Variants in C13orf42 observed in about 807,000 individuals in gnomAD.
The protein encoded by C13orf42 is chromosome 13 open reading frame 42.
At chr13:51,088,408 T>C (rs1014025179) in intron 1 of C13orf42, among the ~76,000 whole-genome samples, 1 of 152,200 alleles carries the variant, frequency 6.6e-6, no homozygotes, top group Non-Finnish European at 1.5e-5. Flanking sequence ...AATTAGGAGA[T>C]TGTACAGTTC....
intron 1 of C13orf42, among the ~76,000 whole-genome samples, chr13:51,140,024 C>T (rs2138029171): frequency 6.6e-6 from 1 of 152,266 alleles, no homozygotes; most frequent in East Asian, 1.9e-4. Context: ...CCCCCAAAAT[C>T]ACGAAGGAAA....
chr13:51,148,554 G>T, intron 1 of C13orf42, among the ~76,000 whole-genome samples: 1 of 152,212 alleles, frequency 6.6e-6, no homozygotes, highest in East Asian at 1.9e-4. Flanking sequence ...GCTCACGAAG[G>T]AAGAGCACAG....
chr13:51,102,407 A>G (rs530693788), intron 1 of C13orf42, among the ~76,000 whole-genome samples: 2 of 152,348 alleles, frequency 1.3e-5, no homozygotes, highest in East Asian at 3.9e-4. Flanking sequence ...GGCTGTTGAT[A>G]TGGTCTCATT....
At chr13:51,124,052 T>C (rs556293527) in intron 1 of C13orf42, among the ~76,000 whole-genome samples, 1 of 152,310 alleles carries the variant, frequency 6.6e-6, no homozygotes, top group East Asian at 1.9e-4. Context: ...GTAACATCAC[T>C]ATTGTGAACC....
chr13:51,114,881 G>A (rs563765080), upstream of C13orf42, among the ~76,000 whole-genome samples: 2 of 152,318 alleles, frequency 1.3e-5, no homozygotes, highest in South Asian at 2.1e-4. Flanking sequence ...ATAGGTTTTA[G>A]GTGTTCTTGT....
At chr13:51,101,329 A>G (rs1377947847) in intron 1 of C13orf42, among the ~76,000 whole-genome samples, 1 of 152,112 alleles carries the variant, frequency 6.6e-6, no homozygotes, top group African/African-American at 2.4e-5. Flanking sequence ...AGATATTTTT[A>G]TTTTCTTCCC....
chr13:51,104,167 G>A (rs1953323815), intron 1 of C13orf42, among the ~76,000 whole-genome samples: 1 of 152,020 alleles, frequency 6.6e-6, no homozygotes, highest in Non-Finnish European at 1.5e-5. Context: ...CGTATTCTAG[G>A]GTACTACTAA....
chr13:51,152,537 T>C (rs1267696517), intron 1 of C13orf42, among the ~76,000 whole-genome samples: 1 of 152,134 alleles, frequency 6.6e-6, no homozygotes, highest in African/African-American at 2.4e-5. Flanking sequence ...TTTTTAGAGA[T>C]GGGGTTCTTG....
intron 1 of C13orf42, among the ~76,000 whole-genome samples, chr13:51,127,373 T>C (rs947076535): frequency 1.3e-5 from 2 of 152,130 alleles, no homozygotes; most frequent in Non-Finnish European, 2.9e-5. Context: ...AGAAGGGAAA[T>C]GGATTCACAG....
chr13:51,120,853 A>G (rs1022554622), intron 1 of C13orf42, among the ~76,000 whole-genome samples: 1 of 152,106 alleles, frequency 6.6e-6, no homozygotes, highest in African/African-American at 2.4e-5. Flanking sequence ...GTCTCTACTA[A>G]AAATACAAAA....
intron 1 of C13orf42, among the ~76,000 whole-genome samples, chr13:51,103,891 TGAG>T (rs1046928473): frequency 1.3e-5 from 2 of 151,916 alleles, no homozygotes; most frequent in Non-Finnish European, 2.9e-5. Flanking sequence ...AAGGGGGAAA[TGAG>T]GAGTTCGTGT....
Position 51,111,027 on chromosome 13 carries a change from G to A in C13orf42, c.183C>T (p.Ser61=), listed in dbSNP as rs1953425047. The A allele has an allele frequency of 7.5e-6, 3 of 398,616 alleles. No homozygotes were observed. The highest frequency in any genetic ancestry group is 1.3e-5 in the Non-Finnish European group (3 of 226,148). 24.7% of individuals were successfully genotyped at this position (398,616 alleles called of 1,614,324 possible). ...GCAGGTAGTACAGGCTGGTGTCCAT[G>A]CTACTGGTGCTTTTGTACTTCTTTA... ...ESLKKYKSTS[S]MDTSLYYLRQ... The change falls in exon 1 of 4, where the codon AGC becomes AGT. Residue 61 remains serine (S), a synonymous_variant. Transcript: ENST00000563710.
At chr13:51,151,770 G>A (rs1026804313) in intron 1 of C13orf42, among the ~76,000 whole-genome samples, 1 of 152,234 alleles carries the variant, frequency 6.6e-6, no homozygotes, top group East Asian at 1.9e-4. Flanking sequence ...GGGAGCCAAG[G>A]AAGGCTTCCT....
intron 1 of C13orf42, among the ~76,000 whole-genome samples, chr13:51,137,985 G>A (rs1204507502): frequency 1.3e-5 from 2 of 152,310 alleles, no homozygotes; most frequent in Non-Finnish European, 2.9e-5. Flanking sequence ...GCTACATGGT[G>A]TTCTATGGTG....
intron 1 of C13orf42, among the ~76,000 whole-genome samples, chr13:51,092,738 T>C (rs1268434484): frequency 6.6e-6 from 1 of 152,076 alleles, no homozygotes; most frequent in African/African-American, 2.4e-5. Flanking sequence ...AACTTAATTT[T>C]AATAAGCAAG....
intron 1 of C13orf42, among the ~76,000 whole-genome samples, chr13:51,091,339 CAA>C (rs1177242456): frequency 6.6e-6 from 1 of 152,190 alleles, no homozygotes; most frequent in Non-Finnish European, 1.5e-5. Flanking sequence ...ACTCTCATCA[CAA>C]AAGAGGGCTT....
intron 1 of C13orf42, among the ~76,000 whole-genome samples, chr13:51,141,261 G>T: frequency 6.8e-6 from 1 of 146,320 alleles, no homozygotes; most frequent in African/African-American, 2.5e-5. Context: ...TCAGTTGAAT[G>T]AATTCTGTTT....
chr13:51,122,660 C>T (rs748472805), intron 1 of C13orf42, among the ~76,000 whole-genome samples: 16 of 152,042 alleles, frequency 1.1e-4, no homozygotes, highest in Non-Finnish European at 2.2e-4. Flanking sequence ...CTGTTTTGTG[C>T]TTGAATTCCT....
At chr13:51,170,340 G>T (rs1315901314) in intron 1 of C13orf42, among the ~76,000 whole-genome samples, 3 of 152,116 alleles carry the variant, frequency 2.0e-5, no homozygotes, top group Non-Finnish European at 4.4e-5. Context: ...CTCGGATCGG[G>T]GGACCTCCCT....
Sources: allele counts gnomAD v4.1 joint callset (sites outside exome capture counted in the v4.1 genomes callset), GRCh38; gene constraint gnomAD v4.1.1; transcripts MANE v1.5; gene names NCBI Gene and HGNC (gene_info 2026-07-23, HGNC 2026-07-21).